The following NSMCE2 variants were observed in gnomAD, a reference collection of about 807,000 sequenced individuals.
NSMCE2 encodes NSE2 SUMO ligase component of SMC5/6 complex, also known as E3 SUMO-protein ligase NSE2.
In NSMCE2, 24 loss-of-function variants were observed where a neutral mutation model predicts 23.8. That is an observed-to-expected ratio of 1.01 (90% CI 0.73 to 1.42). The LOEUF is 1.42. Among genes scored for constraint, NSMCE2 ranks in the 40% most tolerant of loss-of-function variants. The pLI is 0.00. For synonymous variants in NSMCE2, 92 were observed against 94.1 expected (o/e 0.98, Z 0.13); for missense variants, 284 against 296.5 (o/e 0.96, Z 0.31).
At chr8:125,103,354 G>A (rs571924767) in intron 3 of NSMCE2, among the ~76,000 whole-genome samples, 2 of 151,846 alleles carry the variant, frequency 1.3e-5, no homozygotes, top group East Asian at 1.9e-4. Context: ...GAGTAGAATC[G>A]TTTTTATTTT....
chr8:125,151,145 A>G (rs1821000044), intron 3 of NSMCE2, 26 bp from the exon 4 acceptor site: 3 of 1,275,904 alleles, frequency 2.4e-6, no homozygotes, highest in Non-Finnish European at 1.1e-6. Flanking sequence ...ATGGAAAATA[A>G]TAATTGCAAT....
At chr8:125,243,061 A>G (rs572622937) in intron 5 of NSMCE2, among the ~76,000 whole-genome samples, 1 of 152,214 alleles carries the variant, frequency 6.6e-6, no homozygotes, top group African/African-American at 2.4e-5. Context: ...ATCACCAGAC[A>G]TGGAAATGTC....
chr8:125,160,360 A>T (rs1821541885), intron 4 of NSMCE2, among the ~76,000 whole-genome samples: 1 of 152,200 alleles, frequency 6.6e-6, no homozygotes, highest in Non-Finnish European at 1.5e-5. Flanking sequence ...TTCAAGTTAA[A>T]GTTTGGAGAG....
intron 5 of NSMCE2, among the ~76,000 whole-genome samples, chr8:125,283,394 C>T (rs1454238452): frequency 3.3e-5 from 5 of 152,076 alleles, no homozygotes; most frequent in African/African-American, 1.2e-4. Context: ...CAAAAATTAG[C>T]TGCTCATGGT....
At chr8:125,277,613 TCTC>T (rs1295994513) in intron 5 of NSMCE2, among the ~76,000 whole-genome samples, 3 of 151,938 alleles carry the variant, frequency 2.0e-5, no homozygotes, top group Non-Finnish European at 4.4e-5. Context: ...TTCACGCCAT[TCTC>T]CTGCCTCAGC....
rs1333224137 is a variant in NSMCE2 at position 125,316,771 on chromosome 8, C to CCTTCCTTCCTTCCT, written c.419-40448_419-40447insCTTCCTTCCTTCCT. On this transcript the variant is annotated intron_variant, in intron 5 of 7. Coordinates refer to ENST00000287437, the MANE Select transcript of NSMCE2 (RefSeq NM_173685.4). ...TCCTTCCTTCCTTCCTTCCTTCCTT[C>CCTTCCTTCCTTCCT]TCTCTCTCTCTTTCTTTCTTTCTTT... Among the ~76,000 whole-genome samples, 20 of 140,260 alleles carry CCTTCCTTCCTTCCT rather than the reference C, an allele frequency of 1.4e-4. 1 individual carries two copies. Among genetic ancestry groups the CCTTCCTTCCTTCCT allele is most frequent in the African/African-American group, 4.7e-4 (17 of 36,452 alleles). 92.0% of individuals were successfully genotyped at this position (140,260 alleles called of 152,430 possible). A position where few individuals can be genotyped will look rare whatever the true frequency, so the allele number is the denominator to read the frequency against.
intron 5 of NSMCE2, among the ~76,000 whole-genome samples, chr8:125,256,098 A>G (rs1231762453): frequency 6.6e-6 from 1 of 152,100 alleles, no homozygotes; most frequent in African/African-American, 2.4e-5. Flanking sequence ...CCTGGCCAAC[A>G]TGGTGAAATC....
chr8:125,302,680 C>G (rs112635202), intron 5 of NSMCE2, among the ~76,000 whole-genome samples: 1 of 152,058 alleles, frequency 6.6e-6, no homozygotes, highest in Non-Finnish European at 1.5e-5. Context: ...TGGCCTGTCC[C>G]GAGAAAGGAC....
chr8:125,364,568 G>A (rs1185234143), intron 7 of NSMCE2, among the ~76,000 whole-genome samples: 1 of 152,260 alleles, frequency 6.6e-6, no homozygotes, highest in Non-Finnish European at 1.5e-5. Context: ...ACAGTTGCAT[G>A]CTTAGAACCT....
chr8:125,118,483 C>T (rs1819126929), intron 3 of NSMCE2, among the ~76,000 whole-genome samples: 1 of 152,150 alleles, frequency 6.6e-6, no homozygotes, highest in South Asian at 2.1e-4. Flanking sequence ...TGAGAAGTTC[C>T]CAGGGTCTGC....
intron 5 of NSMCE2, among the ~76,000 whole-genome samples, chr8:125,277,342 T>C (rs890783554): frequency 1.3e-5 from 2 of 152,152 alleles, no homozygotes; most frequent in Admixed American, 6.5e-5. Flanking sequence ...GGCCATGATA[T>C]TCATTAGGCA....
chr8:125,212,746 T>C (rs1053109342), intron 5 of NSMCE2, among the ~76,000 whole-genome samples: 3 of 152,214 alleles, frequency 2.0e-5, no homozygotes, highest in African/African-American at 7.2e-5. Flanking sequence ...ATCAGTTCAC[T>C]GTATACAGTT....
rs144100923 is a variant in NSMCE2, at chr8:125,135,741, A to G, written c.158-15430A>G. 6.6e-5 allele frequency among the ~76,000 whole-genome samples: 10 copies of G among 152,282 alleles called. No homozygotes were observed. In the East Asian group the frequency reaches 1.7e-3, roughly 26 times the overall value. On this transcript the variant is annotated intron_variant, in intron 3 of 7. Transcript: ENST00000287437. ...CATGTAGGTATATATCCATTTCTGGACACAATTCAATGCTGTTGATCTCTT... is the reference window on the plus strand; with the variant it reads ...CATGTAGGTATATATCCATTTCTGGGCACAATTCAATGCTGTTGATCTCTT...
intron 5 of NSMCE2, among the ~76,000 whole-genome samples, chr8:125,317,444 G>A (rs1052385594): frequency 5.9e-5 from 9 of 152,004 alleles, no homozygotes; most frequent in African/African-American, 9.7e-5. Flanking sequence ...TGATCCACCC[G>A]CCTTGGCCTC....
intron 5 of NSMCE2, among the ~76,000 whole-genome samples, chr8:125,238,552 G>A (rs1309998298): frequency 6.6e-6 from 1 of 152,118 alleles, no homozygotes; most frequent in East Asian, 1.9e-4. Flanking sequence ...ACTGTTAGCT[G>A]GGACTTCATT....
intron 5 of NSMCE2, among the ~76,000 whole-genome samples, chr8:125,219,565 T>A (rs1338593968): frequency 6.6e-6 from 1 of 152,238 alleles, no homozygotes; most frequent in Non-Finnish European, 1.5e-5. Flanking sequence ...TTCATTCTTG[T>A]GAATTCGCTT....
chr8:125,169,122 T>C (rs1249823516), intron 4 of NSMCE2, among the ~76,000 whole-genome samples: 1 of 152,334 alleles, frequency 6.6e-6, no homozygotes, highest in Middle Eastern at 3.4e-3. Flanking sequence ...CCCCTGACTT[T>C]CATGACAACA....
At chr8:125,095,632 C>T (rs988036891) in intron 1 of NSMCE2, among the ~76,000 whole-genome samples, 5 of 151,356 alleles carry the variant, frequency 3.3e-5, no homozygotes, top group African/African-American at 7.3e-5. Flanking sequence ...CAGTGGCTCA[C>T]GCCTGTAATC....
At chr8:125,220,695 T>G (rs1460018740) in intron 5 of NSMCE2, among the ~76,000 whole-genome samples, 1 of 151,964 alleles carries the variant, frequency 6.6e-6, no homozygotes, top group East Asian at 1.9e-4. Flanking sequence ...TGTTGCTAAG[T>G]TTTCAAAGTT....
Sources: allele counts gnomAD v4.1 joint callset (sites outside exome capture counted in the v4.1 genomes callset), GRCh38; gene constraint gnomAD v4.1.1; transcripts MANE v1.5; gene names NCBI Gene and HGNC (gene_info 2026-07-23, HGNC 2026-07-21).